The following USP34 variants were observed in gnomAD, a reference collection of about 807,000 sequenced individuals.
USP34 encodes the protein ubiquitin carboxyl-terminal hydrolase 34.
A neutral mutation model predicts 460.3 loss-of-function variants in USP34; 70 were observed. That is an observed-to-expected ratio of 0.15 (90% CI 0.13 to 0.19). The LOEUF (loss-of-function observed/expected upper bound fraction) is 0.19, where lower values mean the gene tolerates loss of function less well. Ranked by LOEUF, USP34 falls within the 10% of genes least tolerant of loss-of-function variation. The pLI is 1.00. For synonymous variants in USP34, 1,647 were observed against 1,405.3 expected (o/e 1.17, Z -3.85); for missense variants, 3,985 against 4,236.2 (o/e 0.94, Z 1.65).
At chr2:61,353,287 G>C (rs1434315770) in intron 10 of USP34, among the ~76,000 whole-genome samples, 2 of 152,014 alleles carry the variant, frequency 1.3e-5, no homozygotes, top group Non-Finnish European at 2.9e-5. Context: ...GATTACTAGA[G>C]GTCTTAGAGT....
At chr2:61,303,695 C>T (rs911614721) in intron 27 of USP34, among the ~76,000 whole-genome samples, 10 of 147,514 alleles carry the variant, frequency 6.8e-5, no homozygotes, top group African/African-American at 2.5e-4. Context: ...CTCCTGGGTT[C>T]ACGCCATTCT....
intron 58 of USP34, among the ~76,000 whole-genome samples, chr2:61,232,042 T>C (rs1687921206): frequency 6.6e-6 from 1 of 152,124 alleles, no homozygotes; most frequent in Non-Finnish European, 1.5e-5. Context: ...ACTGTTTCGT[T>C]TGACAGTTCA....
chr2:61,393,862 G>A (rs557297843), intron 5 of USP34, among the ~76,000 whole-genome samples: 22 of 152,234 alleles, frequency 1.4e-4, no homozygotes, highest in Non-Finnish European at 2.1e-4. Flanking sequence ...TCCGGGCCGG[G>A]CACAGTCGCT....
chr2:61,188,063 G>C lies in USP34; in HGVS notation c.*39C>G, dbSNP rs749687408. ...ACTTATACAAACAGCATGGGGGTTGGGGGTGAGGGACTTAAAAGTAGACAT... is the reference window on the plus strand; with the variant it reads ...ACTTATACAAACAGCATGGGGGTTGCGGGTGAGGGACTTAAAAGTAGACAT... On this transcript the variant is annotated 3_prime_UTR_variant, in exon 80 of 80. Coordinates refer to ENST00000398571, the MANE Select transcript of USP34 (RefSeq NM_014709.4). 2.5e-6 allele frequency: 4 copies of C among 1,578,906 alleles called. No individual in the cohort carries two copies. The highest frequency in any genetic ancestry group is 3.6e-5 in the Admixed American group (2 of 55,616).
At chr2:61,244,387 G>C (rs534232893) in intron 51 of USP34, among the ~76,000 whole-genome samples, 9 of 152,250 alleles carry the variant, frequency 5.9e-5, no homozygotes, top group Non-Finnish European at 1.3e-4. Flanking sequence ...GGCTGCAGTA[G>C]GTGGATTACT....
At chr2:61,395,533 T>TA (rs1466294446) in intron 3 of USP34, among the ~76,000 whole-genome samples, 1 of 147,576 alleles carries the variant, frequency 6.8e-6, no homozygotes, top group Non-Finnish European at 1.5e-5. Context: ...ACGCGGTGGC[T>TA]CACGCCTGTA....
rs566468227 is a variant in USP34, at chr2:61,316,287, C to G, written c.3283-1313G>C. 2.6e-5 allele frequency among the ~76,000 whole-genome samples: 4 copies of G among 151,992 alleles called. No homozygotes were observed. In the South Asian group the frequency reaches 8.3e-4, roughly 32 times the overall value. On this transcript the variant is annotated intron_variant, in intron 23 of 79. Transcript: ENST00000398571. The stretch of plus-strand genomic sequence containing the variant: ...AAATAAAATAAAAGCATTTTAGATA[C>G]AATTAAAATTATTCTGGCCAGCCGT...
chr2:61,296,743 A>T, intron 30 of USP34, 57 bp downstream of exon 30: 1 of 1,558,746 alleles, frequency 6.4e-7, no homozygotes, highest in Non-Finnish European at 8.7e-7. Flanking sequence ...TACACTGTCA[A>T]TAGGAATGTA....
chr2:61,339,033 T>C (rs887612089), intron 18 of USP34, among the ~76,000 whole-genome samples: 7 of 152,292 alleles, frequency 4.6e-5, no homozygotes. Flanking sequence ...TTCAAGAACA[T>C]TTAACTGCAA....
At chr2:61,388,267 GCTA>G (rs1449308097) in intron 5 of USP34, among the ~76,000 whole-genome samples, 5 of 151,826 alleles carry the variant, frequency 3.3e-5, no homozygotes, top group African/African-American at 9.7e-5. Flanking sequence ...ATCACAATGA[GCTA>G]CTACTATAAA....
chr2:61,443,628 C>T (rs1695029843), intron 1 of USP34, among the ~76,000 whole-genome samples: 2 of 152,056 alleles, frequency 1.3e-5, no homozygotes, highest in South Asian at 4.1e-4. Flanking sequence ...AAAGGCAGAA[C>T]TATGGAGACA....
intron 3 of USP34, among the ~76,000 whole-genome samples, chr2:61,397,646 A>C (rs1693577084): frequency 6.6e-6 from 1 of 152,210 alleles, no homozygotes; most frequent in Admixed American, 6.5e-5. Context: ...CACGCCTGTA[A>C]TCCCAGCACT....
Position 61,188,971 on chromosome 2 carries a change from C to T in USP34, c.9972G>A (p.Arg3324=), listed in dbSNP as rs1686536191. The change falls in exon 79 of 80, where the codon AGG becomes AGA. Residue 3324 remains arginine, a synonymous_variant. Coordinates refer to ENST00000398571, the MANE Select transcript of USP34 (RefSeq NM_014709.4). ...PTLQELLSKC[R]TCLQQRNSLQ... ...GTGAGTTTCTCTGTTGCAGACAAGTCCTGCATTTGCTTAAAAGCTCTTGCA... is the reference window on the plus strand; with the variant it reads ...GTGAGTTTCTCTGTTGCAGACAAGTTCTGCATTTGCTTAAAAGCTCTTGCA... The T allele has an allele frequency of 1.2e-6, 2 of 1,614,016 alleles. No individual in the cohort carries two copies. Among genetic ancestry groups the T allele is most frequent in the Non-Finnish European group, 1.7e-6 (2 of 1,180,030 alleles).
At chr2:61,356,731 AGTT>A (rs1225061687) in intron 10 of USP34, among the ~76,000 whole-genome samples, 1 of 152,192 alleles carries the variant, frequency 6.6e-6, no homozygotes, top group Non-Finnish European at 1.5e-5. Flanking sequence ...AAATGAGGAG[AGTT>A]GTTGTTCAAT....
intron 1 of USP34, among the ~76,000 whole-genome samples, chr2:61,448,536 T>C (rs139167397): frequency 3.3e-5 from 5 of 152,328 alleles, no homozygotes; most frequent in African/African-American, 1.2e-4. Flanking sequence ...GGTTGACAGA[T>C]CATACTTTGA....
At position 61,348,364 on chromosome 2, in the gene USP34, G is replaced by A. The variant is rs139419063; in HGVS notation, c.1791C>T (p.His597=). The change falls in exon 15 of 80, where the codon CAC becomes CAT. Residue 597 remains histidine, a synonymous_variant. Coordinates refer to ENST00000398571, the MANE Select transcript of USP34 (RefSeq NM_014709.4). The part of the protein sequence containing the change: ...DGSSNEVNSS[H]ASQSAGSPGS... ...CAGGGCTCCCAGCTGACTGGCTTGC[G>A]TGGCTAGAATTAACCTCATTGCTAG... 64 of 1,614,010 alleles carry A rather than the reference G, an allele frequency of 4.0e-5. No individual in the cohort carries two copies. The highest frequency in any genetic ancestry group is 1.6e-4 in the Middle Eastern group (1 of 6,062).
intron 68 of USP34, among the ~76,000 whole-genome samples, chr2:61,212,296 A>G (rs1462170931): frequency 6.6e-6 from 1 of 152,228 alleles, no homozygotes; most frequent in Non-Finnish European, 1.5e-5. Flanking sequence ...AAAAACTGTA[A>G]GTGAATACAA....
intron 41 of USP34, among the ~76,000 whole-genome samples, chr2:61,270,293 T>C (rs1462345807): frequency 6.6e-6 from 1 of 152,152 alleles, no homozygotes; most frequent in East Asian, 1.9e-4. Context: ...AATCAAAAAG[T>C]AGGCCTTCAC....
chr2:61,394,533 C>CAAAAAA (rs200686763), intron 5 of USP34, among the ~76,000 whole-genome samples: 7 of 110,076 alleles, frequency 6.4e-5, no homozygotes, highest in Admixed American at 9.2e-5. Flanking sequence ...CCCTCTCTCT[C>CAAAAAA]AAAAAAAAAA....
Sources: allele counts gnomAD v4.1 joint callset (sites outside exome capture counted in the v4.1 genomes callset), GRCh38; gene constraint gnomAD v4.1.1; transcripts MANE v1.5; gene names NCBI Gene and HGNC (gene_info 2026-07-23, HGNC 2026-07-21).